DCAF10: variants seen among roughly 807,000 people sequenced by gnomAD.
DCAF10 encodes DDB1- and CUL4-associated factor 10.
In DCAF10, 19 loss-of-function variants were observed where a neutral mutation model predicts 51.9. The ratio of observed to expected loss-of-function variants is 0.37; its 90% CI spans 0.26 to 0.54. The LOEUF is 0.54. DCAF10 is among the 20% of genes least tolerant of loss of function. The pLI is 0.87. For synonymous variants in DCAF10, 291 were observed against 297.1 expected (o/e 0.98, Z 0.21); for missense variants, 510 against 730.6 (o/e 0.70, Z 3.48).
chr9:37,854,500 C>A (rs1830787574), intron 3 of DCAF10, among the ~76,000 whole-genome samples: 1 of 152,110 alleles, frequency 6.6e-6, no homozygotes, highest in Admixed American at 6.6e-5. Flanking sequence ...ATGAGCAAAT[C>A]AGTATTAGCA....
chr9:37,826,244 GACAA>G (rs760455911), intron 2 of DCAF10, among the ~76,000 whole-genome samples: 18 of 152,114 alleles, frequency 1.2e-4, no homozygotes, highest in South Asian at 2.1e-4. Context: ...AAAGGATATG[GACAA>G]ACAATTGATA....
chr9:37,803,167 A>T (rs1277250807), intron 1 of DCAF10, among the ~76,000 whole-genome samples: 2 of 152,188 alleles, frequency 1.3e-5, no homozygotes, highest in African/African-American at 2.4e-5. Flanking sequence ...ATATATGCTC[A>T]TTGTGTAAAA....
Position 37,861,703 on chromosome 9 carries a change from T to G in DCAF10, c.*195T>G, listed in dbSNP as rs1289160276. 1.5e-6 allele frequency: 1 copy of G among 654,720 alleles called. No individual in the cohort carries two copies. Among genetic ancestry groups the G allele is most frequent in the African/African-American group, 1.8e-5 (1 of 55,130 alleles). 40.6% of individuals were successfully genotyped at this position (654,720 alleles called of 1,614,324 possible). The stretch of plus-strand genomic sequence containing the variant: ...ACAGGCATCTCCAAGTTAGACTCTA[T>G]GCAGCATCATCTTTTGCAGCATTCC... On this transcript the variant is annotated 3_prime_UTR_variant, in exon 7 of 7. Coordinates refer to ENST00000377724, the MANE Select transcript of DCAF10 (RefSeq NM_024345.5). This position sits in a 1 kb window ranked among gnomAD's most constrained non-coding sequence, Gnocchi z 4.9.
At chr9:37,855,656 GA>G (rs1830824898) in intron 4 of DCAF10, among the ~76,000 whole-genome samples, 1 of 152,118 alleles carries the variant, frequency 6.6e-6, no homozygotes, top group Non-Finnish European at 1.5e-5. Context: ...AAATCCAGGG[GA>G]AAAAAGACTT....
At chr9:37,855,117 T>C in intron 4 of DCAF10, 135 bp downstream of exon 4, 2 of 753,970 alleles carry the variant, frequency 2.7e-6, no homozygotes, top group South Asian at 1.9e-5. Context: ...AGAAAGCTCA[T>C]TGATGGGTTT....
chr9:37,809,857 G>A (rs1375872893), intron 1 of DCAF10, among the ~76,000 whole-genome samples: 1 of 148,214 alleles, frequency 6.7e-6, no homozygotes, highest in Non-Finnish European at 1.5e-5. Flanking sequence ...AAAGGGTTAG[G>A]GGGAGCGGGG....
chr9:37,860,254 G>A, intron 6 of DCAF10, 61 bp downstream of exon 6: 1 of 1,605,498 alleles, frequency 6.2e-7, no homozygotes, highest in Non-Finnish European at 8.5e-7. Flanking sequence ...ATTGCCGTGT[G>A]TGCAGAGCTT....
intron 1 of DCAF10, among the ~76,000 whole-genome samples, chr9:37,810,991 A>G (rs979229563): frequency 6.6e-6 from 1 of 152,024 alleles, no homozygotes; most frequent in South Asian, 2.1e-4. Context: ...CGGCACCTCT[A>G]CTCTAGCTTA....
chr9:37,830,375 T>A (rs1829971443), intron 2 of DCAF10, among the ~76,000 whole-genome samples: 1 of 152,222 alleles, frequency 6.6e-6, no homozygotes. Flanking sequence ...CATCTAGAAT[T>A]GTGCCTAGCA....
At chr9:37,851,464 G>A (rs1449896371) in intron 3 of DCAF10, among the ~76,000 whole-genome samples, 1 of 149,676 alleles carries the variant, frequency 6.7e-6, no homozygotes, top group Non-Finnish European at 1.5e-5. Flanking sequence ...ACAGGCATGA[G>A]CCACTGCACC....
In DCAF10 at chr9:37,865,009, T is replaced by C. The variant is rs77909215; in HGVS notation, c.*3501T>C. 3 of 152,278 alleles carry C rather than the reference T, an allele frequency of 2.0e-5. No homozygotes were observed. In the East Asian group the frequency reaches 5.8e-4, roughly 29 times the overall value. The allele number at this position is 152,278 out of a possible 1,614,324, so 9.4% of individuals were successfully genotyped here. On this transcript the variant is annotated 3_prime_UTR_variant, in exon 7 of 7. Coordinates refer to ENST00000377724, the MANE Select transcript of DCAF10 (RefSeq NM_024345.5). ...TTGTCCAAAGCCTGTGCTTACTGCT[T>C]TACCATTGTGCTCTTTAGTTTGTAA...
rs1280016802 is a variant in DCAF10 at position 37,829,994 on chromosome 9, C to A, written c.653+10593C>A. 6.6e-6 allele frequency among the ~76,000 whole-genome samples: 1 copy of A among 151,898 alleles called. No homozygotes were observed. The highest frequency in any genetic ancestry group is 1.5e-5 in the Non-Finnish European group (1 of 68,008). On this transcript the variant is annotated intron_variant, in intron 2 of 6. Coordinates refer to ENST00000377724, the MANE Select transcript of DCAF10 (RefSeq NM_024345.5). This position sits in a 1 kb window ranked among gnomAD's most constrained non-coding sequence, Gnocchi z 4.2. ...TTCCAGTCTGGGTGACAGAGCAAGA[C>A]CCTGTCTCTTAAAGAATAAAGAAGA...
At chr9:37,808,666 A>ATTATATAATATAAAATATAAATATATAT (rs1313674102) in intron 1 of DCAF10, among the ~76,000 whole-genome samples, 2 of 107,540 alleles carry the variant, frequency 1.9e-5, no homozygotes, top group Admixed American at 1.3e-4. Flanking sequence ...ATATAAATAT[A>ATTATATAATATAAAATATAAATATATAT]TTATATAATA....
intron 3 of DCAF10, among the ~76,000 whole-genome samples, chr9:37,844,533 C>G (rs1210159739): frequency 6.6e-6 from 1 of 152,230 alleles, no homozygotes; most frequent in Non-Finnish European, 1.5e-5. Context: ...CACCTGTAAT[C>G]CCAGCTACTT....
intron 2 of DCAF10, chr9:37,836,231 A>C: frequency 6.5e-7 from 1 of 1,540,540 alleles, no homozygotes. Context: ...TAGAGTTAGA[A>C]CATCTAACTG....
Position 37,860,165 on chromosome 9 carries a change from G to A in DCAF10, c.1283G>A (p.Arg428Gln), listed in dbSNP as rs1407447020. 6 of 1,613,906 alleles carry A rather than the reference G, an allele frequency of 3.7e-6. No homozygotes were observed. The highest frequency in any genetic ancestry group is 5.1e-6 in the Non-Finnish European group (6 of 1,179,986). The change falls in exon 6 of 7, where the codon CGG (arginine) becomes CAG (glutamine). Residue 428 changes from arginine to glutamine, a missense_variant. Physicochemically the swap from Arg to Gln is conservative, Grantham distance 43. This residue lies in a region of DCAF10 where 104 missense variants were observed against 206.2 expected (regional missense o/e 0.50). Transcript: ENST00000377724. Reference sequence around the variant, plus strand: ...CCAAAAGGCTGGGCCACTCTTCTTCGGTGCTCAAGCAACAGTGATGATGAG... The same window carrying A: ...CCAAAAGGCTGGGCCACTCTTCTTCAGTGCTCAAGCAACAGTGATGATGAG... ...LHPKGWATLL[R>Q]CSSNSDDEEC...
rs35436909 is a variant in DCAF10 at position 37,866,635 on chromosome 9, G to T, written c.*5127G>T. On this transcript the variant is annotated 3_prime_UTR_variant, in exon 7 of 7. Coordinates refer to ENST00000377724, the MANE Select transcript of DCAF10 (RefSeq NM_024345.5). ...ACAGTAAGAGCTGGACAAACTCTGG[G>T]GGGACACAGTCTTTGAGACAGCTCT... 1 of 152,404 alleles carries T rather than the reference G, an allele frequency of 6.6e-6. No individual in the cohort carries two copies. Among genetic ancestry groups the T allele is most frequent in the Admixed American group, 6.6e-5 (1 of 15,264 alleles). The allele number at this position is 152,404 out of a possible 1,614,324, so 9.4% of individuals were successfully genotyped here.
chr9:37,812,706 T>C (rs192577646), intron 1 of DCAF10, among the ~76,000 whole-genome samples: 1 of 152,220 alleles, frequency 6.6e-6, no homozygotes, highest in African/African-American at 2.4e-5. Context: ...TGAACACTGC[T>C]CACTGCAGCC....
chr9:37,862,976 T>G lies in DCAF10; in HGVS notation c.*1468T>G, dbSNP rs1324024499. The G allele has an allele frequency of 6.6e-6, 1 of 152,088 alleles. No homozygotes were observed. The highest frequency in any genetic ancestry group is 1.5e-5 in the Non-Finnish European group (1 of 68,028). The allele number at this position is 152,088 out of a possible 1,614,324, so 9.4% of individuals were successfully genotyped here. On this transcript the variant is annotated 3_prime_UTR_variant, in exon 7 of 7. Coordinates refer to ENST00000377724, the MANE Select transcript of DCAF10 (RefSeq NM_024345.5). ...TTTTCATAGCAACCTCAAGTAATCT[T>G]TATTCTGAGGGTCTCGGGATTGCAG...
Sources: gnomAD v4.1 joint callset for allele counts (sites outside exome capture counted in the v4.1 genomes callset) on GRCh38, gnomAD v4.1.1 for gene constraint, gnomAD v4.1.1 regional missense constraint, Gnocchi (gnomAD v3.1) non-coding constraint, MANE v1.5 for transcripts, NCBI Gene and HGNC (gene_info 2026-07-23, HGNC 2026-07-21) for gene names.